SLBP: variants seen among roughly 807,000 people sequenced by gnomAD.
The protein encoded by SLBP is stem-loop histone mRNA binding protein, also known as histone RNA hairpin-binding protein.
Under a neutral mutation model 39.2 loss-of-function variants are expected in SLBP, and 29 were observed. That is an observed-to-expected ratio of 0.74 (90% CI 0.55 to 1.01). The LOEUF (loss-of-function observed/expected upper bound fraction) is 1.01. Ranked by LOEUF, SLBP falls within the 50% of genes least tolerant of loss-of-function variation. SLBP has a pLI of 0.00. For missense variants in SLBP, 390 were observed against 350.2 expected, an observed-to-expected ratio of 1.11 and a Z score of -0.91; for synonymous variants, 129 against 118.7, an observed-to-expected ratio of 1.09 and a Z score of -0.57.
chr4:1,710,688 T>A (rs1716720065), intron 2 of SLBP, among the ~76,000 whole-genome samples: 3 of 151,584 alleles, frequency 2.0e-5, no homozygotes, highest in African/African-American at 7.3e-5. Flanking sequence ...CCACTTAAAG[T>A]GAACAGAGTT....
intron 5 of SLBP, among the ~76,000 whole-genome samples, chr4:1,698,849 G>A (rs1577179593): frequency 6.6e-6 from 1 of 151,888 alleles, no homozygotes; most frequent in East Asian, 1.9e-4. Flanking sequence ...GGAGTGCAGT[G>A]GTGTGATTAA....
intron 2 of SLBP, 50 bp downstream of exon 2, chr4:1,711,824 G>T: frequency 9.9e-7 from 1 of 1,010,338 alleles, no homozygotes; most frequent in Non-Finnish European, 1.3e-6. Context: ...TGGAGCCCGC[G>T]GCCTCGTCAA....
Position 1,696,205 on chromosome 4 carries a change from T to G in SLBP, c.626A>C (p.Glu209Ala), listed in dbSNP as rs200794468. The change falls in exon 6 of 8, where the codon GAA becomes GCA. Residue 209 changes from glutamate (E) to alanine (A), a missense_variant. By Grantham distance (107) the Glu-to-Ala change is moderately radical (BLOSUM62 -1). Coordinates refer to ENST00000489418, the MANE Select transcript of SLBP (RefSeq NM_006527.4). ...PPAEEGCDLQ[E>A]IHPVDLESAE... ...CAAGAATGCAATAAAGACATACATT[T>G]CTTGCAAATCACATCCTTCTTCCGC... is the stretch of plus-strand genomic sequence containing the variant. 3.1e-6 allele frequency: 5 copies of G among 1,588,166 alleles called. No homozygotes were observed. The highest frequency in any genetic ancestry group is 4.3e-6 in the Non-Finnish European group (5 of 1,169,878).
At chr4:1,705,963 C>A (rs531821980) in intron 2 of SLBP, among the ~76,000 whole-genome samples, 39 of 152,192 alleles carry the variant, frequency 2.6e-4, no homozygotes, top group African/African-American at 8.2e-4. Context: ...CCAGTCTGGG[C>A]AACAGGGCAA....
chr4:1,700,162 C>T (rs1246272746), intron 3 of SLBP, 92 bp from the exon 4 acceptor site: 9 of 799,700 alleles, frequency 1.1e-5, no homozygotes, highest in Non-Finnish European at 1.6e-5. Flanking sequence ...CCCGCAGGCA[C>T]ACCATCCTAT....
At position 1,696,337 on chromosome 4, in the gene SLBP, G is replaced by C. The variant is rs756883916; in HGVS notation, c.494C>G (p.Pro165Arg). 1 of 1,580,874 alleles carries C rather than the reference G, an allele frequency of 6.3e-7. No individual in the cohort carries two copies. The highest frequency in any genetic ancestry group is 8.6e-7 in the Non-Finnish European group (1 of 1,164,520). The change falls in exon 6 of 8, where the codon CCT becomes CGT. Residue 165 changes from proline (P) to arginine (R), a missense_variant. Pro to Arg is a moderately radical substitution (Grantham distance 103). Transcript: ENST00000489418. ...IKEVPRHLRQ[P>R]GIHPKTPNKF... ...ATTAGGGGTCTTGGGATGAATGCCA[G>C]GTTGTCGAAGGTGTCTACAGGAGAA...
rs1231956122 is a variant in SLBP, at chr4:1,712,268, G to A, written c.-80C>T. On this transcript the variant is annotated 5_prime_UTR_variant, in exon 1 of 8. Transcript: ENST00000489418. ...GGGCAGAGAGCGCAGAGTAGAGCAGGGCAGGGCCTGAGGCAGAAACCCGCG... is the reference window on the plus strand; with the variant it reads ...GGGCAGAGAGCGCAGAGTAGAGCAGAGCAGGGCCTGAGGCAGAAACCCGCG... The A allele has an allele frequency of 6.6e-6, 6 of 908,990 alleles. No individual in the cohort carries two copies. The African/African-American group carries it at 7.1e-5, about 11-fold the overall frequency. 56.3% of individuals were successfully genotyped at this position (908,990 alleles called of 1,614,324 possible).
chr4:1,700,070 T>A lies in SLBP; in HGVS notation c.282A>T (p.Arg94Ser). Residue 94 changes from arginine (R) to serine (S), a missense_variant and splice_region_variant, in exon 4 of 8, where the codon AGA becomes AGT. Arg to Ser is a moderately radical substitution (Grantham distance 110, BLOSUM62 -1). Transcript: ENST00000489418. ...CATTGATGAGGAGTTTCCTTTTATA[T>A]CTGAGGGCAAAATAAATATTGCTGT... Reference protein sequence around the residue: ...MRTRVNKEMARYKRKLLINDF... With the variant: ...MRTRVNKEMASYKRKLLINDF... The A allele has an allele frequency of 6.3e-7, 1 of 1,587,132 alleles. No individual in the cohort carries two copies. Among genetic ancestry groups the A allele is most frequent in the East Asian group, 2.2e-5 (1 of 44,726 alleles).
rs544517965 is a variant in SLBP, at chr4:1,703,760, T to C, written c.177-60A>G. 53 of 1,189,912 alleles carry C rather than the reference T, an allele frequency of 4.5e-5. No homozygotes were observed. The African/African-American group carries it at 7.6e-4, about 17-fold the overall frequency. The allele number at this position is 1,189,912 out of a possible 1,614,324, so 73.7% of individuals were successfully genotyped here. A position where few individuals can be genotyped will look rare whatever the true frequency, so the allele number is the denominator to read the frequency against. Reference sequence around the variant, plus strand: ...ACATACTTTGTTTTCTTTCAAACTGTATGTCAAGAAATATTCAAAGGCTGG... The same window carrying C: ...ACATACTTTGTTTTCTTTCAAACTGCATGTCAAGAAATATTCAAAGGCTGG... On this transcript the variant is annotated intron_variant, in intron 2 of 7. Transcript: ENST00000489418.
At chr4:1,698,629 T>G (rs986260962) in intron 5 of SLBP, among the ~76,000 whole-genome samples, 1 of 150,912 alleles carries the variant, frequency 6.6e-6, no homozygotes, top group Non-Finnish European at 1.5e-5. Flanking sequence ...GGACTACAAA[T>G]GTGTGCCACC....
At chr4:1,703,022 G>A (rs918767392) in intron 3 of SLBP, among the ~76,000 whole-genome samples, 24 of 151,852 alleles carry the variant, frequency 1.6e-4, no homozygotes, top group Non-Finnish European at 2.2e-4. Flanking sequence ...CGAGGTGGGC[G>A]GATCAGGAGT....
At chr4:1,694,901 C>T (rs910095874) in intron 6 of SLBP, 61 bp from the exon 7 acceptor site, 28 of 1,152,222 alleles carry the variant, frequency 2.4e-5, no homozygotes, top group Admixed American at 1.3e-4. Flanking sequence ...GGAGACGGGG[C>T]GCTACAGACA....
chr4:1,698,410 G>A (rs201397283), intron 5 of SLBP, among the ~76,000 whole-genome samples: 4 of 143,372 alleles, frequency 2.8e-5, no homozygotes, highest in Non-Finnish European at 3.0e-5. Context: ...GGTCAGGAGG[G>A]AAAAAAAAAA....
intron 2 of SLBP, among the ~76,000 whole-genome samples, chr4:1,706,321 A>G (rs1230729848): frequency 6.6e-6 from 1 of 152,142 alleles, no homozygotes; most frequent in African/African-American, 2.4e-5. Context: ...ATATCCATTT[A>G]CCTTTCGGGC....
At chr4:1,712,070 C>T in intron 1 of SLBP, 60 bp downstream of exon 1, 1 of 1,234,250 alleles carries the variant, frequency 8.1e-7, no homozygotes, top group Non-Finnish European at 1.0e-6. Context: ...ACCCCGGCCC[C>T]GCACAACCCC....
chr4:1,700,522 G>C (rs748115025), intron 3 of SLBP, among the ~76,000 whole-genome samples: 13 of 150,902 alleles, frequency 8.6e-5, no homozygotes, highest in Non-Finnish European at 1.6e-4. Flanking sequence ...GCAATCTGAC[G>C]TTGAAACCAC....
At chr4:1,710,408 T>C (rs1011014690) in intron 2 of SLBP, among the ~76,000 whole-genome samples, 4 of 152,242 alleles carry the variant, frequency 2.6e-5, no homozygotes, top group Non-Finnish European at 5.9e-5. Context: ...GCTTGAGTCA[T>C]TCTTGATGCC....
intron 7 of SLBP, among the ~76,000 whole-genome samples, chr4:1,694,375 G>A (rs886730396): frequency 2.0e-5 from 3 of 151,476 alleles, no homozygotes; most frequent in South Asian, 2.1e-4. Context: ...GAGCCACCAC[G>A]CGCAGCACAT....
intron 2 of SLBP, among the ~76,000 whole-genome samples, chr4:1,710,496 C>CT (rs1020924718): frequency 3.3e-5 from 5 of 152,202 alleles, no homozygotes; most frequent in African/African-American, 1.2e-4. Flanking sequence ...AAGGACATAC[C>CT]TAGAAGAACA....
Sources: allele counts gnomAD v4.1 joint callset (sites outside exome capture counted in the v4.1 genomes callset), GRCh38; gene constraint gnomAD v4.1.1; transcripts MANE v1.5; gene names NCBI Gene and HGNC (gene_info 2026-07-23, HGNC 2026-07-21).